CERS1: variants seen among roughly 807,000 people sequenced by gnomAD.
The protein encoded by CERS1 is ceramide synthase 1.
In CERS1, 16 loss-of-function variants were observed where a neutral mutation model predicts 35.7. The ratio of observed to expected loss-of-function variants is 0.45; its 90% CI spans 0.30 to 0.68. CERS1 has a LOEUF of 0.68. CERS1 is among the 30% of genes least tolerant of loss of function. The pLI, the probability that CERS1 is intolerant of heterozygous loss-of-function variation, is 0.08. For synonymous variants in CERS1, 243 were observed against 201.6 expected, an observed-to-expected ratio of 1.21 and a Z score of -1.74; for missense variants, 454 against 453.9, an observed-to-expected ratio of 1.00 and a Z score of 0.00.
Position 18,895,730 on chromosome 19 carries a change from G to C in CERS1, c.249+94C>G. 1 of 645,750 alleles carries C rather than the reference G, an allele frequency of 1.5e-6. No individual in the cohort carries two copies. Among genetic ancestry groups the C allele is most frequent in the Non-Finnish European group, 2.1e-6 (1 of 479,500 alleles). The allele number at this position is 645,750 out of a possible 1,614,324, so 40.0% of individuals were successfully genotyped here. A position where few individuals can be genotyped will look rare whatever the true frequency, so the allele number is the denominator to read the frequency against. On this transcript the variant is annotated intron_variant, in intron 1 of 7. Coordinates refer to ENST00000623882, the MANE Select transcript of CERS1 (RefSeq NM_021267.5). This position sits in a 1 kb window ranked among gnomAD's most constrained non-coding sequence, Gnocchi z 6.4. ...GACCCCTTCATCCGCAGCAGCCAGC[G>C]CTGGAAGAAAGGAACGCGCCGGCGG...
upstream of CERS1, among the ~76,000 whole-genome samples, chr19:18,896,369 C>T (rs1230061602): frequency 1.3e-5 from 2 of 151,402 alleles, no homozygotes; most frequent in African/African-American, 4.9e-5. This position sits in a 1 kb window ranked among gnomAD's most constrained non-coding sequence, Gnocchi z 5.9. Flanking sequence ...AGAGACCCCG[C>T]GCACCGCCGT....
At position 18,878,502 on chromosome 19, in the gene CERS1, TTC is replaced by T. The variant is rs1162499094; in HGVS notation, c.1010+426_1010+427del. 2.2e-5 allele frequency: 22 copies of T among 1,000,276 alleles called. No individual in the cohort carries two copies. Among genetic ancestry groups the T allele is most frequent in the Non-Finnish European group, 2.4e-5 (20 of 838,204 alleles). The allele number at this position is 1,000,276 out of a possible 1,614,324, so 62.0% of individuals were successfully genotyped here. The stretch of plus-strand genomic sequence containing the variant: ...TGTCTCGGCCCAGATGGAGCCTGGG[TTC>T]TCTCTGTGGCCCTTGGCGTTCCTTC... On this transcript the variant is annotated intron_variant, in intron 6 of 7. Coordinates refer to ENST00000623882, the MANE Select transcript of CERS1 (RefSeq NM_021267.5). The surrounding 1 kb of genome is among the most constrained non-coding windows in gnomAD (Gnocchi z 4.6).
chr19:18,869,586 CG>C (rs1255108824), intron 7 of CERS1, among the ~76,000 whole-genome samples, 196 bp from the exon 8 acceptor site: 13 of 3,002 alleles, frequency 4.3e-3, no homozygotes, highest in African/African-American at 8.4e-3. Flanking sequence ...CGGGGTGCGG[CG>C]GGGGGGGTGG....
chr19:18,870,661 G>A lies in CERS1; in HGVS notation c.1011-42C>T, dbSNP rs1012142065. ...GCGCAGGTTAGCCTGGGAGCCCCAC[G>A]CGGCCGCCTGGCCCTCTTTCCCGCT... On this transcript the variant is annotated intron_variant, in intron 6 of 7. Coordinates refer to ENST00000623882, the MANE Select transcript of CERS1 (RefSeq NM_021267.5). This position sits in a 1 kb window ranked among gnomAD's most constrained non-coding sequence, Gnocchi z 5.1. 11 of 517,792 alleles carry A rather than the reference G, an allele frequency of 2.1e-5. No individual in the cohort carries two copies. The highest frequency in any genetic ancestry group is 3.8e-5 in the Non-Finnish European group (11 of 286,022). The allele number at this position is 517,792 out of a possible 1,614,324, so 32.1% of individuals were successfully genotyped here. A position where few individuals can be genotyped will look rare whatever the true frequency, so the allele number is the denominator to read the frequency against.
chr19:18,894,264 G>C (rs1211090589), intron 1 of CERS1, among the ~76,000 whole-genome samples: 3 of 151,738 alleles, frequency 2.0e-5, no homozygotes, highest in Non-Finnish European at 1.5e-5. Flanking sequence ...GGTGGGTGGC[G>C]GGGCGCGGCT....
chr19:18,886,289 C>T (rs374004677), intron 2 of CERS1, among the ~76,000 whole-genome samples: 1 of 152,250 alleles, frequency 6.6e-6, no homozygotes, highest in East Asian at 1.9e-4. Context: ...GTGGCTCACG[C>T]CTGTAATCCC....
At chr19:18,888,386 C>T (rs1396540216) in intron 2 of CERS1, among the ~76,000 whole-genome samples, 2 of 150,484 alleles carry the variant, frequency 1.3e-5, no homozygotes, top group South Asian at 2.1e-4. Flanking sequence ...GGTGTGGTGG[C>T]TCGTGCCTGT....
intron 2 of CERS1, among the ~76,000 whole-genome samples, chr19:18,889,754 C>A (rs1425059768): frequency 6.6e-6 from 1 of 152,024 alleles, no homozygotes; most frequent in Non-Finnish European, 1.5e-5. Context: ...ATACTCATAT[C>A]CCACCTGCTG....
At chr19:18,896,747 G>A (rs1263539690), upstream of CERS1, 4 of 152,352 alleles carry the variant, frequency 2.6e-5, no homozygotes, top group Admixed American at 1.3e-4. This position sits in a 1 kb window ranked among gnomAD's most constrained non-coding sequence, Gnocchi z 5.9. Flanking sequence ...GCAGCTCTCT[G>A]CCCTACACCA....
intron 2 of CERS1, among the ~76,000 whole-genome samples, chr19:18,884,632 C>T (rs2056304706): frequency 6.6e-6 from 1 of 151,316 alleles, no homozygotes; most frequent in South Asian, 2.1e-4. Context: ...TGGTCTCGAT[C>T]TCCTGACCTC....
chr19:18,872,545 C>A lies in CERS1; in HGVS notation c.1011-1926G>T, dbSNP rs369650922. On this transcript the variant is annotated intron_variant, in intron 6 of 7. Transcript: ENST00000623882. Reference sequence around the variant, plus strand: ...TTTTTTTTTTTTTGAGACGAAGTCTCGCTCTTGTCCCCCAGGCGGGAATGC... The same window carrying A: ...TTTTTTTTTTTTTGAGACGAAGTCTAGCTCTTGTCCCCCAGGCGGGAATGC... Among the ~76,000 whole-genome samples, 83 of 149,274 alleles carry A rather than the reference C, an allele frequency of 5.6e-4. No individual in the cohort carries two copies. In the South Asian group the frequency reaches 0.016, roughly 29 times the overall value.
intron 2 of CERS1, among the ~76,000 whole-genome samples, chr19:18,888,698 T>G (rs538199599): frequency 1.4e-4 from 21 of 148,000 alleles, no homozygotes; most frequent in African/African-American, 5.3e-4. Context: ...GGTGTGGTAG[T>G]ACATGCCTGT....
intron 2 of CERS1, among the ~76,000 whole-genome samples, chr19:18,890,658 G>A (rs749450526): frequency 2.0e-4 from 31 of 151,526 alleles, no homozygotes; most frequent in Non-Finnish European, 4.4e-4. Flanking sequence ...GCACACACCT[G>A]TGGTCCCAGC....
In CERS1 at chr19:18,884,146, C is replaced by G; in HGVS notation, c.531G>C (p.Val177=). 2 of 1,613,734 alleles carry G rather than the reference C, an allele frequency of 1.2e-6. No individual in the cohort carries two copies. Among genetic ancestry groups the G allele is most frequent in the Non-Finnish European group, 1.7e-6 (2 of 1,179,834 alleles). ...LYMDTWRKDS[V]VMLLHHVVTL... is the part of the protein sequence containing the mutation. ...TGACCACGTGGTGGAGCAGCATGAC[C>G]ACCGAGTCCTTGCGCCAGGTGTCCA... is the stretch of plus-strand genomic sequence containing the variant. The change falls in exon 3 of 8, where the codon GTG becomes GTC. Residue 177 remains valine (V), a synonymous_variant. Coordinates refer to ENST00000623882, the MANE Select transcript of CERS1 (RefSeq NM_021267.5).
chr19:18,892,530 C>T (rs910609256), intron 2 of CERS1, among the ~76,000 whole-genome samples: 18 of 152,130 alleles, frequency 1.2e-4, no homozygotes, highest in South Asian at 4.2e-4. Context: ...AGGAGAATGG[C>T]GTGAACCCAG....
At chr19:18,889,078 G>C (rs181918453) in intron 2 of CERS1, among the ~76,000 whole-genome samples, 12 of 151,778 alleles carry the variant, frequency 7.9e-5, no homozygotes, top group Non-Finnish European at 1.5e-4. Context: ...TTTTAGTAGA[G>C]ACAGGGTTTC....
intron 2 of CERS1, among the ~76,000 whole-genome samples, chr19:18,891,393 C>CT (rs2146063759): frequency 6.6e-6 from 1 of 152,294 alleles, no homozygotes; most frequent in East Asian, 1.9e-4. Flanking sequence ...GCAGCCCCCA[C>CT]TGCCCCATCG....
Position 18,887,429 on chromosome 19 carries a change from G to A in CERS1, c.410-3162C>T, listed in dbSNP as rs114327388. Among the ~76,000 whole-genome samples, 1,082 of 152,264 alleles carry A rather than the reference G, an allele frequency of 7.1e-3. 15 individuals are homozygous for A. Among genetic ancestry groups the A allele is most frequent in the African/African-American group, 0.025 (1,055 of 41,556 alleles). Reference sequence around the variant, plus strand: ...GATAATGTTCCAGACCTAGACAGAGGGGGTGGTTGAACAACACTGTGAATG... The same window carrying A: ...GATAATGTTCCAGACCTAGACAGAGAGGGTGGTTGAACAACACTGTGAATG... On this transcript the variant is annotated intron_variant, in intron 2 of 7. Coordinates refer to ENST00000623882, the MANE Select transcript of CERS1 (RefSeq NM_021267.5).
In CERS1 at chr19:18,879,393, G is replaced by GGTGGGAGGAGTCAGGAGGCC; in HGVS notation, c.753-25_753-6dup. 1 of 1,557,868 alleles carries GGTGGGAGGAGTCAGGAGGCC rather than the reference G, an allele frequency of 6.4e-7. No individual in the cohort carries two copies. Among genetic ancestry groups the GGTGGGAGGAGTCAGGAGGCC allele is most frequent in the Non-Finnish European group, 8.7e-7 (1 of 1,151,046 alleles). On this transcript the variant is annotated splice_polypyrimidine_tract_variant and splice_region_variant and intron_variant, in intron 4 of 7. Transcript: ENST00000623882. ...CAGTAGAGGCGGAACCAGAACCTGC[G>GGTGGGAGGAGTCAGGAGGCC]GTGGGAGGAGTCAGGAGGCCGTGGG...
Sources: allele counts gnomAD v4.1 joint callset (sites outside exome capture counted in the v4.1 genomes callset), GRCh38; gene constraint gnomAD v4.1.1; non-coding constraint Gnocchi (gnomAD v3.1); transcripts MANE v1.5; gene names NCBI Gene and HGNC (gene_info 2026-07-23, HGNC 2026-07-21).